DYNC1I1: variants seen among roughly 807,000 people sequenced by gnomAD.
The protein encoded by DYNC1I1 is cytoplasmic dynein 1 intermediate chain 1.
Under a neutral mutation model 86.6 loss-of-function variants are expected in DYNC1I1, and 43 were observed. The ratio of observed to expected loss-of-function variants is 0.50; its 90% CI spans 0.39 to 0.64. The LOEUF is 0.64. Among genes scored for constraint, DYNC1I1 ranks in the 30% least tolerant of loss-of-function variants. The probability of loss-of-function intolerance (pLI) is 0.00; values close to 1 mark genes in which losing one functional copy is unlikely to be tolerated. For synonymous variants in DYNC1I1, 262 were observed against 283.7 expected (o/e 0.92, Z 0.77); for missense variants, 604 against 788.8 (o/e 0.77, Z 2.81).
chr7:95,781,693 G>T (rs1381433052), intron 1 of DYNC1I1, among the ~76,000 whole-genome samples: 1 of 152,198 alleles, frequency 6.6e-6, no homozygotes, highest in African/African-American at 2.4e-5. Flanking sequence ...CATGGAAAAA[G>T]TGTTTTCTAA....
chr7:95,775,652 TG>T (rs1280783077), intron 1 of DYNC1I1, among the ~76,000 whole-genome samples: 11 of 152,240 alleles, frequency 7.2e-5, no homozygotes, highest in Admixed American at 7.2e-4. Flanking sequence ...AGTAGACCCA[TG>T]GCCCCTTAAA....
chr7:95,932,731 C>T (rs905090666), intron 6 of DYNC1I1, among the ~76,000 whole-genome samples: 4 of 152,064 alleles, frequency 2.6e-5, no homozygotes, highest in Non-Finnish European at 4.4e-5. Context: ...TAGTAGGTTT[C>T]GATCATGGCT....
At chr7:95,989,274 A>T (rs1793672279) in intron 9 of DYNC1I1, among the ~76,000 whole-genome samples, 1 of 152,234 alleles carries the variant, frequency 6.6e-6, no homozygotes, top group Non-Finnish European at 1.5e-5. Context: ...GACCCTCATC[A>T]GCAATAAAGT....
At chr7:95,778,118 A>G (rs1017540356) in intron 1 of DYNC1I1, among the ~76,000 whole-genome samples, 1 of 152,206 alleles carries the variant, frequency 6.6e-6, no homozygotes, top group Admixed American at 6.5e-5. Context: ...GCAGTTAAGC[A>G]CCACAGTAAA....
At chr7:96,065,042 A>C (rs1789923680) in intron 14 of DYNC1I1, among the ~76,000 whole-genome samples, 1 of 152,144 alleles carries the variant, frequency 6.6e-6, no homozygotes, top group Admixed American at 6.5e-5. Context: ...CATGGCCTAA[A>C]ATTTGGGTTA....
intron 6 of DYNC1I1, among the ~76,000 whole-genome samples, chr7:95,915,926 C>T (rs1791457102): frequency 6.6e-6 from 1 of 152,128 alleles, no homozygotes. Flanking sequence ...TCTTTTCATC[C>T]GTATCTGTTC....
At chr7:96,050,736 G>A (rs1316421134) in intron 14 of DYNC1I1, among the ~76,000 whole-genome samples, 1 of 151,956 alleles carries the variant, frequency 6.6e-6, no homozygotes, top group Admixed American at 6.6e-5. Context: ...TTTCTTGCCT[G>A]TTCCAGGGGT....
At position 95,985,095 on chromosome 7, in the gene DYNC1I1, G is replaced by A; in HGVS notation, c.743+118G>A. On this transcript the variant is annotated intron_variant, in intron 8 of 16. Coordinates refer to ENST00000447467, the MANE Select transcript of DYNC1I1 (RefSeq NM_001135556.2). ...GAAATCAGAGGAGGGTGAAATTTTG[G>A]AATTGATCTTGCTGAACAGCTTTGA... The A allele has an allele frequency of 5.7e-6, 8 of 1,411,546 alleles. No homozygotes were observed. In the South Asian group the frequency reaches 1.0e-4, roughly 19 times the overall value. 87.4% of individuals were successfully genotyped at this position (1,411,546 alleles called of 1,614,324 possible). A position where few individuals can be genotyped will look rare whatever the true frequency, so the allele number is the denominator to read the frequency against.
chr7:95,864,554 A>T (rs576920715), intron 5 of DYNC1I1, among the ~76,000 whole-genome samples: 1 of 152,268 alleles, frequency 6.6e-6, no homozygotes, highest in Admixed American at 6.5e-5. Context: ...AGCTCTGGGG[A>T]GATGTTGGCT....
chr7:95,844,636 G>T (rs1397471433), intron 5 of DYNC1I1, among the ~76,000 whole-genome samples: 1 of 151,998 alleles, frequency 6.6e-6, no homozygotes, highest in Non-Finnish European at 1.5e-5. Flanking sequence ...TTGGTTGGGG[G>T]TGCAATCGTA....
At chr7:96,093,803 AT>A (rs1029117438) in intron 16 of DYNC1I1, among the ~76,000 whole-genome samples, 3 of 152,078 alleles carry the variant, frequency 2.0e-5, no homozygotes, top group African/African-American at 7.2e-5. Flanking sequence ...TGAACTATAC[AT>A]TTTTAATTGG....
chr7:95,848,504 G>A (rs967971328), intron 5 of DYNC1I1, among the ~76,000 whole-genome samples: 7 of 152,002 alleles, frequency 4.6e-5, no homozygotes, highest in African/African-American at 7.2e-5. Flanking sequence ...TCTGTACCTC[G>A]CTTATTTCAC....
intron 7 of DYNC1I1, among the ~76,000 whole-genome samples, chr7:95,979,210 C>CCAGT (rs1172852406): frequency 6.6e-6 from 1 of 152,076 alleles, no homozygotes; most frequent in Non-Finnish European, 1.5e-5. Flanking sequence ...TATCTAAAGG[C>CCAGT]CAGTGCAAGA....
intron 1 of DYNC1I1, among the ~76,000 whole-genome samples, chr7:95,791,609 A>G (rs1300415847): frequency 1.3e-5 from 2 of 152,356 alleles, no homozygotes; most frequent in Middle Eastern, 3.4e-3. Flanking sequence ...AGCCATCAAC[A>G]TGATAATTTA....
At chr7:95,945,847 T>C (rs1158604010) in intron 6 of DYNC1I1, among the ~76,000 whole-genome samples, 1 of 152,142 alleles carries the variant, frequency 6.6e-6, no homozygotes, top group Admixed American at 6.5e-5. Flanking sequence ...TAAAGATACA[T>C]GGACATATAT....
intron 16 of DYNC1I1, among the ~76,000 whole-genome samples, chr7:96,106,215 T>C (rs1791211252): frequency 6.6e-6 from 1 of 152,132 alleles, no homozygotes; most frequent in Non-Finnish European, 1.5e-5. Flanking sequence ...CACTTTTTTC[T>C]AATATAGGCC....
chr7:95,852,318 A>C (rs115789705), intron 5 of DYNC1I1, among the ~76,000 whole-genome samples: 5,077 of 151,928 alleles, frequency 0.033, 292 homozygotes, highest in African/African-American at 0.12. Context: ...ATAGTCTTTT[A>C]TGATTCTTTG....
chr7:96,067,349 A>G (rs1790022469), intron 14 of DYNC1I1, among the ~76,000 whole-genome samples: 1 of 149,312 alleles, frequency 6.7e-6, no homozygotes. Context: ...CCTTATCCCC[A>G]TTTTCATTCC....
downstream of DYNC1I1, among the ~76,000 whole-genome samples, chr7:96,099,236 G>A (rs955279854): frequency 1.3e-5 from 2 of 152,198 alleles, no homozygotes; most frequent in African/African-American, 2.4e-5. Flanking sequence ...GTCACTTACA[G>A]TAGGCACATA....
Sources: gnomAD v4.1 joint callset for allele counts (sites outside exome capture counted in the v4.1 genomes callset) on GRCh38, gnomAD v4.1.1 for gene constraint, MANE v1.5 for transcripts, NCBI Gene and HGNC (gene_info 2026-07-23, HGNC 2026-07-21) for gene names.